RNF38: variants seen among roughly 807,000 people sequenced by gnomAD.
RNF38 encodes ring finger protein 38.
In RNF38, 15 loss-of-function variants were observed where a neutral mutation model predicts 67.2. That is an observed-to-expected ratio of 0.22 (90% CI 0.15 to 0.34). RNF38 has a LOEUF of 0.34. Ranked by LOEUF, RNF38 falls within the 10% of genes least tolerant of loss-of-function variation. RNF38 has a pLI of 1.00. For missense variants in RNF38, 524 were observed against 639.9 expected (o/e 0.82, Z 1.95); for synonymous variants, 220 against 218.8 (o/e 1.01, Z -0.05).
intron 9 of RNF38, among the ~76,000 whole-genome samples, chr9:36,345,179 T>C (rs919408542): frequency 2.6e-5 from 4 of 152,160 alleles, no homozygotes; most frequent in African/African-American, 7.2e-5. Flanking sequence ...ACTGCAGCCC[T>C]ATTAAAATAA....
At chr9:36,344,392 A>G (rs1833064593) in intron 10 of RNF38, among the ~76,000 whole-genome samples, 1 of 152,214 alleles carries the variant, frequency 6.6e-6, no homozygotes, top group South Asian at 2.1e-4. Flanking sequence ...AAAAGATCCC[A>G]TATTAAGCAG....
Position 36,400,073 on chromosome 9 carries a change from G to GC in RNF38, c.12+23dup, listed in dbSNP as rs761236532. 2.2e-5 allele frequency: 35 copies of GC among 1,606,398 alleles called. No individual in the cohort carries two copies. In the East Asian group the frequency reaches 7.8e-4, roughly 36 times the overall value. ...CTGAATAATAGCATATATCATTTTT[G>GC]CAACACAAAGAAAAATACTTTACCT... On this transcript the variant is annotated intron_variant, in intron 1 of 11. Coordinates refer to ENST00000259605, the MANE Select transcript of RNF38 (RefSeq NM_022781.5).
intron 1 of RNF38, among the ~76,000 whole-genome samples, chr9:36,454,580 C>CCT (rs1839539513): frequency 8.9e-6 from 1 of 112,466 alleles, no homozygotes; most frequent in South Asian, 2.8e-4. Context: ...CATTAATTTA[C>CCT]TTTTTTTTTT....
At position 36,352,265 on chromosome 9, in the gene RNF38, A is replaced by G. The variant is rs374163318; in HGVS notation, c.1178+477T>C. 8.5e-5 allele frequency among the ~76,000 whole-genome samples: 13 copies of G among 152,150 alleles called. No homozygotes were observed. The East Asian group carries it at 1.4e-3, about 16-fold the overall frequency. On this transcript the variant is annotated intron_variant, in intron 8 of 11. Transcript: ENST00000259605. Reference sequence around the variant, plus strand: ...CAGTGAGCCGAGCCGAGGTGGTGCCACTGCACTCCAGCACAGACTTAAGAG... The same window carrying G: ...CAGTGAGCCGAGCCGAGGTGGTGCCGCTGCACTCCAGCACAGACTTAAGAG...
intron 1 of RNF38, among the ~76,000 whole-genome samples, chr9:36,466,176 C>A (rs1187166012): frequency 2.6e-5 from 4 of 152,260 alleles, no homozygotes; most frequent in African/African-American, 9.6e-5. Context: ...TGTATGATTC[C>A]ATTTATATAA....
chr9:36,474,040 G>A lies in RNF38; in HGVS notation n.241+13268C>T, dbSNP rs556656391. 1.3e-4 allele frequency among the ~76,000 whole-genome samples: 19 copies of A among 149,214 alleles called. No homozygotes were observed. In the South Asian group the frequency reaches 1.5e-3, roughly 12 times the overall value. ...TTTAAAACCCTAGCACAGACCGGGC[G>A]CGGTGGCTCACACCTCTAATCCCAG... is the stretch of plus-strand genomic sequence containing the variant. On this transcript the variant is annotated intron_variant and non_coding_transcript_variant, in intron 1 of 3. Transcript: ENST00000488058.
intron 8 of RNF38, among the ~76,000 whole-genome samples, chr9:36,351,816 A>G (rs1272349704): frequency 6.6e-6 from 1 of 152,224 alleles, no homozygotes; most frequent in Non-Finnish European, 1.5e-5. Flanking sequence ...CTTCTGGGAC[A>G]TATCCTTGAG....
intron 4 of RNF38, among the ~76,000 whole-genome samples, chr9:36,366,156 T>C (rs1474079496): frequency 2.0e-5 from 3 of 152,148 alleles, no homozygotes; most frequent in Admixed American, 6.5e-5. Flanking sequence ...ATGTGTTTTG[T>C]TGAAGCAAAT....
chr9:36,478,106 T>C (rs961927596), intron 1 of RNF38, among the ~76,000 whole-genome samples: 5 of 152,046 alleles, frequency 3.3e-5, no homozygotes, highest in Non-Finnish European at 7.4e-5. Flanking sequence ...CCAACAAGAC[T>C]TCTTAGAAGC....
chr9:36,388,058 A>T (rs913840494), intron 2 of RNF38, among the ~76,000 whole-genome samples: 8 of 152,210 alleles, frequency 5.3e-5, no homozygotes, highest in Non-Finnish European at 1.2e-4. Flanking sequence ...GACATCATTT[A>T]TACTAACTTC....
chr9:36,465,718 T>C (rs1839843152), intron 1 of RNF38, among the ~76,000 whole-genome samples: 1 of 152,200 alleles, frequency 6.6e-6, no homozygotes, highest in Non-Finnish European at 1.5e-5. Context: ...ATGGGTAAAG[T>C]ATGATACACC....
At chr9:36,482,052 T>C (rs1840282227) in intron 1 of RNF38, among the ~76,000 whole-genome samples, 2 of 147,768 alleles carry the variant, frequency 1.4e-5, no homozygotes, top group African/African-American at 5.0e-5. Context: ...TTTTGTCTTT[T>C]TTTTTTTTTT....
At position 36,430,066 on chromosome 9, in the gene RNF38, C is replaced by A. The variant is rs1369780978; in HGVS notation, n.242-5383G>T. On this transcript the variant is annotated intron_variant and non_coding_transcript_variant, in intron 1 of 3. Transcript: ENST00000488058. ...ACTAAACTATTCCACCCCTCCTACC[C>A]TACTCTCACCCAGTCCTCCAACATA... 2.0e-5 allele frequency among the ~76,000 whole-genome samples: 3 copies of A among 152,122 alleles called. No individual in the cohort carries two copies. In the East Asian group the frequency reaches 5.8e-4, roughly 29 times the overall value.
At chr9:36,386,949 C>T (rs1423043471) in intron 2 of RNF38, among the ~76,000 whole-genome samples, 8 of 152,102 alleles carry the variant, frequency 5.3e-5, no homozygotes, top group South Asian at 4.1e-4. Flanking sequence ...ACCACAGGTG[C>T]GCACCACCAC....
intron 10 of RNF38, among the ~76,000 whole-genome samples, chr9:36,344,141 A>C (rs1833046115): frequency 6.6e-6 from 1 of 151,938 alleles, no homozygotes; most frequent in South Asian, 2.1e-4. Flanking sequence ...CAGCCTTTCG[A>C]GTAGCTGGGA....
chr9:36,366,418 T>C (rs183055189), intron 4 of RNF38, among the ~76,000 whole-genome samples: 6 of 152,332 alleles, frequency 3.9e-5, no homozygotes, highest in Admixed American at 1.3e-4. Flanking sequence ...TCTGGGTTGT[T>C]CAGTGTTAAT....
chr9:36,477,538 T>C (rs1840148598), intron 1 of RNF38, among the ~76,000 whole-genome samples: 1 of 151,554 alleles, frequency 6.6e-6, no homozygotes. Flanking sequence ...GTTAGTGTAG[T>C]TGGCCGGGTA....
chr9:36,353,266 A>C lies in RNF38; in HGVS notation c.975T>G (p.Thr325=). ...LGEHLPVGGF[T]YPPSAHPPTL... is the part of the protein sequence containing the mutation. The stretch of plus-strand genomic sequence containing the variant: ...TTGGGGGGTGGGCTGATGGAGGGTA[A>C]GTAAAACCTCCTACTGGAAGATGTT... The change falls in exon 7 of 12, where the codon ACT becomes ACG. Residue 325 remains threonine (T), a synonymous_variant. Transcript: ENST00000259605. The C allele has an allele frequency of 6.2e-7, 1 of 1,612,946 alleles. No homozygotes were observed. Among genetic ancestry groups the C allele is most frequent in the Non-Finnish European group, 8.5e-7 (1 of 1,179,100 alleles).
At chr9:36,384,682 T>C (rs990079730) in intron 2 of RNF38, among the ~76,000 whole-genome samples, 5 of 152,252 alleles carry the variant, frequency 3.3e-5, no homozygotes, top group African/African-American at 1.2e-4. Flanking sequence ...GTGGTTATGT[T>C]ATATATCATT....
Sources: allele counts gnomAD v4.1 joint callset (sites outside exome capture counted in the v4.1 genomes callset), GRCh38; gene constraint gnomAD v4.1.1; transcripts MANE v1.5; gene names NCBI Gene and HGNC (gene_info 2026-07-23, HGNC 2026-07-21).